The following PDE1A variants were observed in gnomAD, a reference collection of about 807,000 sequenced individuals.
The protein encoded by PDE1A is phosphodiesterase 1A.
Under a neutral mutation model 61.7 loss-of-function variants are expected in PDE1A, and 35 were observed. The observed-to-expected ratio is 0.57, with a 90% CI of 0.43 to 0.75. PDE1A has a LOEUF of 0.75. Ranked by LOEUF, PDE1A falls within the 30% of genes least tolerant of loss-of-function variation. The pLI, the probability that PDE1A is intolerant of heterozygous loss-of-function variation, is 0.00. For missense variants in PDE1A, 597 were observed against 630.6 expected, an observed-to-expected ratio of 0.95 and a Z score of 0.57; for synonymous variants, 232 against 213.2, an observed-to-expected ratio of 1.09 and a Z score of -0.77.
intron 13 of PDE1A, among the ~76,000 whole-genome samples, chr2:182,162,726 A>G (rs1164206931): frequency 6.6e-6 from 1 of 152,172 alleles, no homozygotes; most frequent in Non-Finnish European, 1.5e-5. Flanking sequence ...ATTGATCCCA[A>G]GAGACTGAAA....
At chr2:182,317,320 T>C (rs180795265) in intron 1 of PDE1A, among the ~76,000 whole-genome samples, 2 of 152,156 alleles carry the variant, frequency 1.3e-5, no homozygotes, top group Admixed American at 1.3e-4. Flanking sequence ...TAGGACATTC[T>C]GCATAGTATC....
At chr2:182,378,371 T>C (rs1016013633) in intron 1 of PDE1A, among the ~76,000 whole-genome samples, 5 of 152,172 alleles carry the variant, frequency 3.3e-5, no homozygotes, top group African/African-American at 1.2e-4. Context: ...ATGAAAAACC[T>C]TTTTGGAAAG....
intron 1 of PDE1A, among the ~76,000 whole-genome samples, chr2:182,318,787 C>G (rs1696510964): frequency 6.6e-6 from 1 of 152,148 alleles, no homozygotes; most frequent in South Asian, 2.1e-4. Flanking sequence ...CTAATTTTCA[C>G]TAGAGTCACC....
chr2:182,289,191 T>C (rs749838462), intron 1 of PDE1A, among the ~76,000 whole-genome samples: 9 of 152,106 alleles, frequency 5.9e-5, no homozygotes, highest in Non-Finnish European at 1.0e-4. Flanking sequence ...CTTTTTCTGT[T>C]CGTTTAGATA....
In PDE1A at chr2:182,169,891, GAC is replaced by G. The variant is rs748862736; in HGVS notation, c.1517-1603_1517-1602del. Among the ~76,000 whole-genome samples, 903 of 140,050 alleles carry G rather than the reference GAC, an allele frequency of 6.4e-3. 3 individuals are homozygous for G. Among genetic ancestry groups the G allele is most frequent in the African/African-American group, 0.02 (727 of 37,242 alleles). The allele number at this position is 140,050 out of a possible 152,430, so 91.9% of individuals were successfully genotyped here. A position where few individuals can be genotyped will look rare whatever the true frequency, so the allele number is the denominator to read the frequency against. On this transcript the variant is annotated intron_variant, in intron 13 of 13. Transcript: ENST00000351439. The stretch of plus-strand genomic sequence containing the variant: ...GTCCATGCAAATACAGTGGACAGGA[GAC>G]ACACACACACACACACACACACACA...
chr2:182,507,747 G>A (rs950997940), intron 2 of PDE1A, among the ~76,000 whole-genome samples: 1 of 152,142 alleles, frequency 6.6e-6, no homozygotes, highest in African/African-American at 2.4e-5. Flanking sequence ...TTGAAGCAGA[G>A]ATTTGCTAGG....
At chr2:182,387,961 CAT>C (rs1288685662) in intron 1 of PDE1A, among the ~76,000 whole-genome samples, 1 of 152,010 alleles carries the variant, frequency 6.6e-6, no homozygotes, top group African/African-American at 2.4e-5. Flanking sequence ...TAAGGAAACA[CAT>C]AGACTCAAAG....
intron 1 of PDE1A, among the ~76,000 whole-genome samples, chr2:182,338,128 T>C (rs908806933): frequency 6.6e-6 from 1 of 152,204 alleles, no homozygotes; most frequent in African/African-American, 2.4e-5. Flanking sequence ...CATGACACTT[T>C]GGATCCATTG....
At chr2:182,693,229 C>A in the PDE1A span, among the ~76,000 whole-genome samples, 1 of 151,980 alleles carries the variant, frequency 6.6e-6, no homozygotes, top group Admixed American at 6.6e-5. Flanking sequence ...TCTATATTAC[C>A]CAACTTCAAC....
chr2:182,201,468 T>A, exon 10 of PDE1A: 9 of 1,614,034 alleles, frequency 5.6e-6, no homozygotes, highest in Non-Finnish European at 7.6e-6. Context: ...ATTAGGGCCA[T>A]GGTCCACCGA....
At chr2:182,381,871 G>C (rs1479043761) in intron 1 of PDE1A, among the ~76,000 whole-genome samples, 2 of 151,734 alleles carry the variant, frequency 1.3e-5, no homozygotes. Flanking sequence ...TTCCCAAAGA[G>C]TAACCATTTA....
chr2:182,266,738 G>C (rs1044999296), intron 1 of PDE1A, among the ~76,000 whole-genome samples: 1 of 152,124 alleles, frequency 6.6e-6, no homozygotes, highest in East Asian at 1.9e-4. Context: ...TAACTGTACC[G>C]GAAGGAGTTC....
intron 4 of PDE1A, among the ~76,000 whole-genome samples, chr2:182,233,623 T>A (rs1433531998): frequency 6.6e-6 from 1 of 152,186 alleles, no homozygotes; most frequent in Non-Finnish European, 1.5e-5. Context: ...GCTGCCAATA[T>A]CCTTTAAATT....
the PDE1A span, among the ~76,000 whole-genome samples, chr2:182,699,896 G>T: frequency 1.3e-5 from 2 of 152,148 alleles, no homozygotes; most frequent in Admixed American, 6.5e-5. Flanking sequence ...GAGTTAAATT[G>T]GCATAGCTAG....
chr2:182,380,436 C>A (rs16823151), intron 1 of PDE1A, among the ~76,000 whole-genome samples: 6,495 of 152,182 alleles, frequency 0.043, 160 homozygotes, highest in Admixed American at 0.078. Flanking sequence ...ACTTTCCTAG[C>A]TTTCTGTCTC....
the PDE1A span, among the ~76,000 whole-genome samples, chr2:182,566,419 G>T: frequency 3.4e-4 from 51 of 151,550 alleles, no homozygotes; most frequent in African/African-American, 1.2e-3. Flanking sequence ...AAAGAAAGAA[G>T]ACAGGAAATA....
intron 1 of PDE1A, among the ~76,000 whole-genome samples, chr2:182,272,436 A>G (rs1693096853): frequency 6.6e-6 from 1 of 152,184 alleles, no homozygotes; most frequent in Non-Finnish European, 1.5e-5. Flanking sequence ...CTAGAATTCT[A>G]TACTCAGCCA....
chr2:182,181,739 G>T (rs1386780050), intron 13 of PDE1A, among the ~76,000 whole-genome samples: 1 of 152,190 alleles, frequency 6.6e-6, no homozygotes, highest in Non-Finnish European at 1.5e-5. Context: ...CCCCTGACTG[G>T]AGCTGCTGGA....
the PDE1A span, among the ~76,000 whole-genome samples, chr2:182,531,703 G>A: frequency 6.6e-6 from 1 of 152,088 alleles, no homozygotes; most frequent in African/African-American, 2.4e-5. Context: ...TCTAATATTT[G>A]TGGGTTTTTT....
Sources: gnomAD v4.1 joint callset for allele counts (sites outside exome capture counted in the v4.1 genomes callset) on GRCh38, gnomAD v4.1.1 for gene constraint, MANE v1.5 for transcripts, NCBI Gene and HGNC (gene_info 2026-07-23, HGNC 2026-07-21) for gene names.